TXNRD2: variants seen among roughly 807,000 people sequenced by gnomAD.
TXNRD2 encodes the protein thioredoxin reductase 2.
Under a neutral mutation model 70.8 loss-of-function variants are expected in TXNRD2, and 67 were observed. That is an observed-to-expected ratio of 0.95 (90% CI 0.78 to 1.16). The LOEUF (loss-of-function observed/expected upper bound fraction) is 1.16. Among genes scored for constraint, TXNRD2 ranks in the 50% most tolerant of loss-of-function variants. The pLI is 0.00. For synonymous variants in TXNRD2, 301 were observed against 295.8 expected, an observed-to-expected ratio of 1.02 and a Z score of -0.18; for missense variants, 644 against 719.9, an observed-to-expected ratio of 0.89 and a Z score of 1.21.
intron 15 of TXNRD2, 73 bp downstream of exon 15, chr22:19,878,293 G>T: frequency 3.8e-6 from 6 of 1,598,160 alleles, no homozygotes; most frequent in Non-Finnish European, 5.1e-6. Context: ...GCCAGTCCTC[G>T]GGTGTTCACC....
chr22:19,895,389 G>A lies in TXNRD2; in HGVS notation c.949+18C>T, dbSNP rs774401777. On this transcript the variant is annotated intron_variant, in intron 11 of 17. Coordinates refer to ENST00000400521, the MANE Select transcript of TXNRD2 (RefSeq NM_006440.5). ...CGGGGAGACCAGAGACAGAGCGTGT[G>A]GCTCGACGTGCCCTTACCTATGGCC... The A allele has an allele frequency of 8.1e-6, 13 of 1,613,754 alleles. No homozygotes were observed. Among genetic ancestry groups the A allele is most frequent in the South Asian group, 1.1e-5 (1 of 91,078 alleles).
In TXNRD2 at chr22:19,934,391, A is replaced by AAC. The variant is rs1345179087; in HGVS notation, c.104-3294_104-3293insGT. Reference sequence around the variant, plus strand: ...GTGAGACTCTGTCTCAGAAAAAAAAAAAAAAAAAAACTGCACCCCTAGTCT... The same window carrying AAC: ...GTGAGACTCTGTCTCAGAAAAAAAAAACAAAAAAAAAACTGCACCCCTAGTCT... On this transcript the variant is annotated intron_variant, in intron 1 of 17. Transcript: ENST00000400521. Among the ~76,000 whole-genome samples, 4 of 150,992 alleles carry AAC rather than the reference A, an allele frequency of 2.6e-5. 1 individual carries two copies. Among genetic ancestry groups the AAC allele is most frequent in the Non-Finnish European group, 4.4e-5 (3 of 67,678 alleles).
intron 1 of TXNRD2, 79 bp from the exon 2 acceptor site, chr22:19,931,177 C>G (rs1941345989): frequency 7.5e-7 from 1 of 1,329,210 alleles, no homozygotes. Flanking sequence ...CAGGATTGGA[C>G]ACTCCATTCT....
chr22:19,932,468 G>T, intron 1 of TXNRD2: 1 of 1,601,412 alleles, frequency 6.2e-7, no homozygotes. Context: ...GGCAGGCAAG[G>T]GGCAGCCAAA....
chr22:19,919,826 C>T (rs1940826566), intron 2 of TXNRD2, among the ~76,000 whole-genome samples: 1 of 101,616 alleles, frequency 9.8e-6, no homozygotes, highest in Non-Finnish European at 2.0e-5. Flanking sequence ...CTTCCAGTCT[C>T]TTTCTGGCAC....
At chr22:19,884,780 A>C (rs928398861) in intron 11 of TXNRD2, among the ~76,000 whole-genome samples, 6 of 152,106 alleles carry the variant, frequency 3.9e-5, no homozygotes, top group African/African-American at 1.4e-4. Flanking sequence ...GTCTCTCCCC[A>C]TTAGGAGAAA....
intron 1 of TXNRD2, among the ~76,000 whole-genome samples, chr22:19,939,610 A>G (rs1043181221): frequency 1.9e-4 from 29 of 152,192 alleles, no homozygotes; most frequent in Non-Finnish European, 3.2e-4. Flanking sequence ...CTGGAACTAC[A>G]GATGACCGTT....
intron 13 of TXNRD2, among the ~76,000 whole-genome samples, 160 bp downstream of exon 13, chr22:19,880,462 G>A (rs1938716031): frequency 6.6e-6 from 1 of 152,182 alleles, no homozygotes; most frequent in Non-Finnish European, 1.5e-5. Flanking sequence ...ACCCATGCAT[G>A]CACACACACG....
At chr22:19,897,874 A>G (rs1358837059) in intron 10 of TXNRD2, among the ~76,000 whole-genome samples, 165 bp downstream of exon 10, 1 of 152,150 alleles carries the variant, frequency 6.6e-6, no homozygotes, top group Non-Finnish European at 1.5e-5. Flanking sequence ...GCTCCGGCCG[A>G]GTGTCTGCAT....
chr22:19,939,853 A>G (rs1409223073), intron 1 of TXNRD2, among the ~76,000 whole-genome samples: 4 of 152,170 alleles, frequency 2.6e-5, no homozygotes, highest in African/African-American at 9.7e-5. Context: ...CATACTTTCA[A>G]TATAAACCTG....
chr22:19,883,770 A>G (rs1239872874), intron 11 of TXNRD2: 1 of 385,630 alleles, frequency 2.6e-6, no homozygotes, highest in Non-Finnish European at 4.9e-6. Context: ...CCTGGCCAAC[A>G]TGGTGAAACC....
Position 19,898,107 on chromosome 22 carries a change from A to G in TXNRD2, c.706T>C (p.Phe236Leu), listed in dbSNP as rs1186157435. The G allele has an allele frequency of 1.3e-6, 2 of 1,566,446 alleles. No homozygotes were observed. The highest frequency in any genetic ancestry group is 1.4e-5 in the African/African-American group (1 of 73,764). Residue 236 changes from phenylalanine to leucine, a missense_variant, in exon 10 of 18, where the codon TTC becomes CTC. Phe to Leu is a conservative substitution (Grantham distance 22). Around this residue, in one of 3 missense-constraint regions of TXNRD2, gnomAD observed 566 missense variants for 645.0 expected, o/e 0.88. Coordinates refer to ENST00000400521, the MANE Select transcript of TXNRD2 (RefSeq NM_006440.5). ...ASYVALECAG[F>L]LTGIGLDTTI... ...GTGTCCAGCCCAATCCCGGTGAGGAAGCCAGCACACTCCAGGGCCACATCT... is the reference window on the plus strand; with the variant it reads ...GTGTCCAGCCCAATCCCGGTGAGGAGGCCAGCACACTCCAGGGCCACATCT...
intron 10 of TXNRD2, 87 bp from the exon 11 acceptor site, chr22:19,895,668 G>A: frequency 2.7e-6 from 4 of 1,488,876 alleles, no homozygotes; most frequent in Non-Finnish European, 3.7e-6. Flanking sequence ...AGGCCTCAAT[G>A]AAGGGCGGAG....
intron 2 of TXNRD2, among the ~76,000 whole-genome samples, chr22:19,920,452 G>A (rs1282803445): frequency 2.0e-5 from 3 of 152,176 alleles, no homozygotes; most frequent in Non-Finnish European, 4.4e-5. Context: ...GTGTGGTGGT[G>A]CAAGCCTGTA....
chr22:19,934,305 C>T (rs1010133939), intron 1 of TXNRD2, among the ~76,000 whole-genome samples: 1 of 147,376 alleles, frequency 6.8e-6, no homozygotes, highest in African/African-American at 2.5e-5. Context: ...GAGTTGAACC[C>T]AGGAGTTCAA....
chr22:19,940,582 T>A (rs960638030), intron 1 of TXNRD2, among the ~76,000 whole-genome samples: 4 of 152,208 alleles, frequency 2.6e-5, no homozygotes, highest in African/African-American at 9.7e-5. Flanking sequence ...TTTCTGTCTG[T>A]TGTCCCCACT....
At chr22:19,925,682 ACT>A (rs774696966) in intron 2 of TXNRD2, among the ~76,000 whole-genome samples, 1 of 151,928 alleles carries the variant, frequency 6.6e-6, no homozygotes, top group Non-Finnish European at 1.5e-5. Flanking sequence ...CCCTAAAGCA[ACT>A]CAAAATAAAT....
chr22:19,919,457 T>C lies in TXNRD2; in HGVS notation c.229+86A>G, dbSNP rs1488626126. Reference sequence around the variant, plus strand: ...CATGGACAGCAGGGCTGAAGGACTTTGGTGTCAGCTGCCCTCTGTACAGGA... The same window carrying C: ...CATGGACAGCAGGGCTGAAGGACTTCGGTGTCAGCTGCCCTCTGTACAGGA... On this transcript the variant is annotated intron_variant, in intron 3 of 17. Coordinates refer to ENST00000400521, the MANE Select transcript of TXNRD2 (RefSeq NM_006440.5). The C allele has an allele frequency of 4.1e-6, 5 of 1,218,730 alleles. No individual in the cohort carries two copies. In the African/African-American group the frequency reaches 6.0e-5, roughly 15 times the overall value. The allele number at this position is 1,218,730 out of a possible 1,614,324, so 75.5% of individuals were successfully genotyped here.
chr22:19,902,843 A>G (rs1301707720), intron 8 of TXNRD2: 1 of 440,838 alleles, frequency 2.3e-6, no homozygotes, highest in Non-Finnish European at 4.5e-6. Flanking sequence ...CTTAAATTAA[A>G]TTTTCTCCCA....
Sources: allele counts gnomAD v4.1 joint callset (sites outside exome capture counted in the v4.1 genomes callset), GRCh38; gene constraint gnomAD v4.1.1; regional missense constraint gnomAD v4.1.1; transcripts MANE v1.5; gene names NCBI Gene and HGNC (gene_info 2026-07-23, HGNC 2026-07-21).